Variants in ACYP2 observed in about 807,000 individuals in gnomAD.
The protein encoded by ACYP2 is acylphosphatase-2.
Under a neutral mutation model 11.2 loss-of-function variants are expected in ACYP2, and 12 were observed. The ratio of observed to expected loss-of-function variants is 1.08; its 90% confidence interval spans 0.69 to 1.74. The LOEUF (loss-of-function observed/expected upper bound fraction) is 1.74. Ranked by LOEUF, ACYP2 falls within the 40% of genes most tolerant of loss-of-function variation. ACYP2 has a pLI of 0.00. For synonymous variants in ACYP2, 43 were observed against 32.2 expected (o/e 1.33, Z -1.13); for missense variants, 134 against 101.9 (o/e 1.31, Z -1.35).
intron 4 of ACYP2, among the ~76,000 whole-genome samples, chr2:54,120,892 G>T (rs1251906886): frequency 6.6e-6 from 1 of 152,120 alleles, no homozygotes; most frequent in African/African-American, 2.4e-5. Flanking sequence ...GAGTCCTGAG[G>T]CCTGAGCCTC....
At chr2:54,179,253 T>C (rs1038940330) in intron 6 of ACYP2, among the ~76,000 whole-genome samples, 2 of 14,938 alleles carry the variant, frequency 1.3e-4, no homozygotes, top group Non-Finnish European at 2.9e-4. Flanking sequence ...GGTGGGTGGG[T>C]GGGTGGGGGA....
At chr2:54,134,575 T>G (rs1681113839) in intron 4 of ACYP2, among the ~76,000 whole-genome samples, 1 of 152,260 alleles carries the variant, frequency 6.6e-6, no homozygotes, top group African/African-American at 2.4e-5. Flanking sequence ...AATAAATATG[T>G]GCTTCAGCAT....
chr2:54,197,849 C>T (rs1684556614), intron 6 of ACYP2, among the ~76,000 whole-genome samples: 1 of 152,074 alleles, frequency 6.6e-6, no homozygotes. Context: ...CGTACTTCTT[C>T]CTACACTGGA....
intron 6 of ACYP2, among the ~76,000 whole-genome samples, chr2:54,182,047 A>ATTTTTTTT (rs35145998): frequency 4.8e-5 from 4 of 83,068 alleles, no homozygotes; most frequent in African/African-American, 1.5e-4. Flanking sequence ...ATAGAAGATA[A>ATTTTTTTT]TTTTTTTTTT....
At chr2:54,205,088 T>C (rs1196449563) in intron 6 of ACYP2, among the ~76,000 whole-genome samples, 3 of 152,212 alleles carry the variant, frequency 2.0e-5, no homozygotes, top group Admixed American at 2.0e-4. Context: ...AAAAGTTGCC[T>C]ATCTCTCCAT....
At chr2:54,214,166 A>C (rs751396992) in intron 6 of ACYP2, among the ~76,000 whole-genome samples, 65 of 152,080 alleles carry the variant, frequency 4.3e-4, no homozygotes, top group Non-Finnish European at 4.9e-4. Context: ...ATAATTTGCA[A>C]ATATTTTCTT....
intron 6 of ACYP2, among the ~76,000 whole-genome samples, chr2:54,236,247 AT>A (rs1686472210): frequency 6.6e-6 from 1 of 152,010 alleles, no homozygotes; most frequent in African/African-American, 2.4e-5. Flanking sequence ...AGCCTATTTT[AT>A]TTAGATTTAA....
At chr2:54,004,689 T>C (rs28851028) in intron 2 of ACYP2, among the ~76,000 whole-genome samples, 41,454 of 151,684 alleles carry the variant, frequency 0.27, 6,411 homozygotes, top group South Asian at 0.46. Context: ...GGATTACAGG[T>C]GTGAGCCACC....
chr2:54,276,618 T>TACAC (rs1244258156), intron 6 of ACYP2, among the ~76,000 whole-genome samples: 7 of 71,926 alleles, frequency 9.7e-5, no homozygotes, highest in Non-Finnish European at 1.8e-4. Flanking sequence ...AGATTGTTCT[T>TACAC]TCACACACAC....
At chr2:54,240,936 A>G (rs1686704835) in intron 6 of ACYP2, among the ~76,000 whole-genome samples, 1 of 152,198 alleles carries the variant, frequency 6.6e-6, no homozygotes, top group Non-Finnish European at 1.5e-5. Context: ...GAGGAGATGA[A>G]TGTCTGTTCT....
At chr2:54,227,049 T>A (rs977164312) in intron 6 of ACYP2, among the ~76,000 whole-genome samples, 9 of 152,228 alleles carry the variant, frequency 5.9e-5, no homozygotes, top group African/African-American at 2.2e-4. Context: ...TGAAGACGTA[T>A]CTGCAAGCCA....
At chr2:54,200,171 G>A (rs566639718) in intron 6 of ACYP2, among the ~76,000 whole-genome samples, 1 of 152,244 alleles carries the variant, frequency 6.6e-6, no homozygotes, top group South Asian at 2.1e-4. Flanking sequence ...TCTCTCAATT[G>A]CTAGCTGTGT....
intron 6 of ACYP2, among the ~76,000 whole-genome samples, chr2:54,279,962 C>A (rs1688773009): frequency 6.6e-6 from 1 of 152,092 alleles, no homozygotes; most frequent in African/African-American, 2.4e-5. Context: ...TTCTTCCATG[C>A]CCATTTTAAG....
At chr2:54,082,366 C>T (rs1160773027) in intron 4 of ACYP2, among the ~76,000 whole-genome samples, 1 of 152,022 alleles carries the variant, frequency 6.6e-6, no homozygotes, top group African/African-American at 2.4e-5. Flanking sequence ...CTGGCTCAGC[C>T]TCCTGAATAG....
intron 2 of ACYP2, among the ~76,000 whole-genome samples, chr2:54,004,386 C>G (rs1264662197): frequency 7.2e-6 from 1 of 138,994 alleles, no homozygotes; most frequent in African/African-American, 2.7e-5. Context: ...GGTGAGGTGT[C>G]TGTTCAGGTA....
chr2:54,195,943 G>A (rs1375140707), intron 6 of ACYP2, among the ~76,000 whole-genome samples: 3 of 151,498 alleles, frequency 2.0e-5, no homozygotes, highest in South Asian at 2.1e-4. Context: ...GATTACAAGC[G>A]CCTGCCACCA....
chr2:54,252,272 G>A (rs1016152886), intron 6 of ACYP2, among the ~76,000 whole-genome samples: 4 of 152,142 alleles, frequency 2.6e-5, no homozygotes, highest in African/African-American at 9.7e-5. Flanking sequence ...ATACCATTGT[G>A]TGAACATTTT....
intron 4 of ACYP2, among the ~76,000 whole-genome samples, chr2:54,124,684 G>C (rs1209841019): frequency 6.6e-6 from 1 of 152,066 alleles, no homozygotes; most frequent in East Asian, 1.9e-4. Flanking sequence ...ACCATTCATA[G>C]TTAAAAATGC....
At chr2:54,037,271 C>T (rs997896024) in intron 2 of ACYP2, among the ~76,000 whole-genome samples, 3 of 152,072 alleles carry the variant, frequency 2.0e-5, no homozygotes, top group Non-Finnish European at 2.9e-5. Context: ...CACCACCATG[C>T]CTGTCTAATT....
Sources: gnomAD v4.1 joint callset for allele counts (sites outside exome capture counted in the v4.1 genomes callset) on GRCh38, gnomAD v4.1.1 for gene constraint, MANE v1.5 for transcripts, NCBI Gene and HGNC (gene_info 2026-07-23, HGNC 2026-07-21) for gene names.